The following VPS8 variants were observed in gnomAD, a reference collection of about 807,000 sequenced individuals.
The protein encoded by VPS8 is vacuolar protein sorting-associated protein 8 homolog.
VPS8 carries 129 observed loss-of-function variants against 216.4 expected under a neutral mutation model. The ratio of observed to expected loss-of-function variants is 0.60; its 90% CI spans 0.52 to 0.69. VPS8 has a LOEUF of 0.69. VPS8 is among the 30% of genes least tolerant of loss of function. VPS8 has a pLI of 0.00. For synonymous variants in VPS8, 571 were observed against 565.4 expected (o/e 1.01, Z -0.14); for missense variants, 1,531 against 1,683.5 (o/e 0.91, Z 1.59).
chr3:184,816,311 A>T (rs1716313276), intron 1 of VPS8: 2 of 152,208 alleles, frequency 1.3e-5, no homozygotes, highest in South Asian at 4.1e-4. Flanking sequence ...TCTAGGCTGG[A>T]GCTGATTGTC....
intron 45 of VPS8, among the ~76,000 whole-genome samples, chr3:185,005,097 C>T (rs1207190961): frequency 1.3e-5 from 2 of 152,054 alleles, no homozygotes; most frequent in African/African-American, 4.8e-5. Context: ...ATGTGGCTTG[C>T]CAATTATCCC....
At chr3:184,961,369 A>G (rs1274763824) in intron 37 of VPS8, among the ~76,000 whole-genome samples, 2 of 152,212 alleles carry the variant, frequency 1.3e-5, no homozygotes, top group Non-Finnish European at 1.5e-5. Flanking sequence ...TTGCCCACAC[A>G]TACTTTTAAA....
chr3:184,874,344 C>T (rs1165683119), intron 21 of VPS8, among the ~76,000 whole-genome samples: 2 of 152,006 alleles, frequency 1.3e-5, no homozygotes, highest in Non-Finnish European at 1.5e-5. Flanking sequence ...AATATTTCTA[C>T]CCAAAAATAT....
intron 29 of VPS8, among the ~76,000 whole-genome samples, chr3:184,921,575 C>T (rs1196384783): frequency 6.6e-6 from 1 of 151,518 alleles, no homozygotes; most frequent in East Asian, 1.9e-4. Flanking sequence ...TGTTTTTCTT[C>T]TTCTTCTTTT....
At chr3:184,992,930 A>G (rs1577086138) in intron 42 of VPS8, among the ~76,000 whole-genome samples, 1 of 152,260 alleles carries the variant, frequency 6.6e-6, no homozygotes, top group Non-Finnish European at 1.5e-5. Context: ...CTCTAAAGAA[A>G]GAATCAGAGA....
chr3:184,850,066 C>G lies in VPS8; in HGVS notation c.753+44C>G, dbSNP rs746881164. The G allele has an allele frequency of 1.3e-5, 20 of 1,493,032 alleles. No individual in the cohort carries two copies. In the African/African-American group the frequency reaches 2.5e-4, roughly 19 times the overall value. 92.5% of individuals were successfully genotyped at this position (1,493,032 alleles called of 1,614,324 possible). A position where few individuals can be genotyped will look rare whatever the true frequency, so the allele number is the denominator to read the frequency against. On this transcript the variant is annotated intron_variant, in intron 10 of 47. Transcript: ENST00000625842. ...TTTCCTAATAATTTTTTTATTATGC[C>G]TTTGTGTTTATTTTAAAGTAAATTT...
chr3:185,009,660 T>A (rs1210675781), intron 45 of VPS8, among the ~76,000 whole-genome samples: 1 of 152,010 alleles, frequency 6.6e-6, no homozygotes, highest in African/African-American at 2.4e-5. Flanking sequence ...TCATAAGACA[T>A]TGGACACCAG....
At chr3:184,874,295 A>T (rs376381651) in intron 21 of VPS8, among the ~76,000 whole-genome samples, 1 of 152,164 alleles carries the variant, frequency 6.6e-6, no homozygotes, top group Non-Finnish European at 1.5e-5. Flanking sequence ...TTGTGGCTGG[A>T]ATAGATTAGT....
At chr3:184,940,598 G>A (rs975347946) in intron 36 of VPS8, among the ~76,000 whole-genome samples, 3 of 152,076 alleles carry the variant, frequency 2.0e-5, no homozygotes. Flanking sequence ...GGTGATTGAT[G>A]GTGGCTCTAC....
chr3:184,827,340 T>C (rs532393187), intron 3 of VPS8, among the ~76,000 whole-genome samples: 13 of 152,262 alleles, frequency 8.5e-5, no homozygotes, highest in Non-Finnish European at 1.9e-4. Context: ...TAACTTTGAA[T>C]GTGTTCTAAC....
chr3:184,859,959 T>G (rs757544203), intron 14 of VPS8, 26 bp from the exon 15 acceptor site: 1 of 1,586,124 alleles, frequency 6.3e-7, no homozygotes, highest in South Asian at 1.1e-5. Flanking sequence ...TAGCTGGTTT[T>G]TAGGTTGTTT....
At chr3:185,032,538 T>G (rs1758315099) in intron 46 of VPS8, among the ~76,000 whole-genome samples, 1 of 152,166 alleles carries the variant, frequency 6.6e-6, no homozygotes, top group Admixed American at 6.5e-5. Flanking sequence ...AAAGGAGAGA[T>G]TCTGTACTCT....
In VPS8 at chr3:184,966,699, CA is replaced by C; in HGVS notation, c.3303del (p.His1102IlefsTer12). The C allele has an allele frequency of 6.3e-7, 1 of 1,591,368 alleles. No homozygotes were observed. On this transcript the variant is annotated frameshift_variant, in exon 39 of 48. Coordinates refer to ENST00000625842, the MANE Select transcript of VPS8 (RefSeq NM_001009921.3). LOFTEE classifies it high-confidence loss of function. ...CTACAAAGCAAACTTCAAGAGGTAACACATCAAGGTGAAAGTAAGTTCTTGA... is the reference window on the plus strand; with the variant it reads ...CTACAAAGCAAACTTCAAGAGGTAACCATCAAGGTGAAAGTAAGTTCTTGA... Reference protein sequence around the residue: ...ERLQSKLQEVTHQGENTKEDP... With the variant: ...ERLQSKLQEVXHQGENTKEDP...
In VPS8 at chr3:184,940,200, C is replaced by T. The variant is rs1742399990; in HGVS notation, c.2992C>T (p.Gln998Ter). The change falls in exon 36 of 48, where the codon CAG becomes TAG. Residue 998 changes from glutamine to a stop codon, truncating the protein, a stop_gained. Transcript: ENST00000625842. LOFTEE classifies it high-confidence loss of function. ...IETVIKKLQN[Q>*]VLLFKFLRSL... ...TTTTTATTGTTTTTCTGTTCAGAAC[C>T]AGGTTTTGCTTTTCAAATTTTTGAG... 2.0e-6 allele frequency: 3 copies of T among 1,494,836 alleles called. No individual in the cohort carries two copies. Among genetic ancestry groups the T allele is most frequent in the Non-Finnish European group, 2.7e-6 (3 of 1,115,284 alleles). The allele number at this position is 1,494,836 out of a possible 1,614,324, so 92.6% of individuals were successfully genotyped here.
chr3:184,821,483 A>G (rs1369545593), intron 1 of VPS8, among the ~76,000 whole-genome samples: 1 of 151,904 alleles, frequency 6.6e-6, no homozygotes, highest in Non-Finnish European at 1.5e-5. Flanking sequence ...AGCTGGGACT[A>G]CAGGCACACG....
intron 3 of VPS8, among the ~76,000 whole-genome samples, chr3:184,832,136 G>A (rs144908858): frequency 1.3e-5 from 2 of 152,212 alleles, no homozygotes; most frequent in African/African-American, 4.8e-5. Context: ...TATCTTTCTA[G>A]GGTCATCTCC....
intron 40 of VPS8, among the ~76,000 whole-genome samples, chr3:184,981,450 T>A (rs1750188827): frequency 1.1e-5 from 1 of 95,112 alleles, no homozygotes; most frequent in Non-Finnish European, 2.3e-5. Flanking sequence ...TTTTTTTTTT[T>A]GAGACCGAGT....
At chr3:184,925,274 A>T (rs1163130384) in intron 30 of VPS8, among the ~76,000 whole-genome samples, 1 of 152,222 alleles carries the variant, frequency 6.6e-6, no homozygotes, top group Non-Finnish European at 1.5e-5. Context: ...TCTCACTGGT[A>T]GTAAGACTAT....
At chr3:184,830,409 TA>T (rs1198736280) in intron 3 of VPS8, among the ~76,000 whole-genome samples, 4 of 152,086 alleles carry the variant, frequency 2.6e-5, no homozygotes, top group African/African-American at 7.2e-5. Flanking sequence ...TTTATTTATT[TA>T]TTTTTTTGCA....
Sources: gnomAD v4.1 joint callset for allele counts (sites outside exome capture counted in the v4.1 genomes callset) on GRCh38, gnomAD v4.1.1 for gene constraint, MANE v1.5 for transcripts, NCBI Gene and HGNC (gene_info 2026-07-23, HGNC 2026-07-21) for gene names.